MED27: variants seen among roughly 807,000 people sequenced by gnomAD.
The protein encoded by MED27 is mediator of RNA polymerase II transcription subunit 27.
Under a neutral mutation model 38.2 loss-of-function variants are expected in MED27, and 30 were observed. The observed-to-expected ratio is 0.79, with a 90% CI of 0.59 to 1.07. MED27 has a LOEUF of 1.07. Ranked by LOEUF, MED27 falls within the 50% of genes least tolerant of loss-of-function variation. MED27 has a pLI of 0.00. For missense variants in MED27, 289 were observed against 397.5 expected, an observed-to-expected ratio of 0.73 and a Z score of 2.32; for synonymous variants, 122 against 153.5, an observed-to-expected ratio of 0.79 and a Z score of 1.52.
At chr9:131,863,359 G>A (rs1420035424) in intron 6 of MED27, among the ~76,000 whole-genome samples, 1 of 152,224 alleles carries the variant, frequency 6.6e-6, no homozygotes, top group Non-Finnish European at 1.5e-5. Context: ...CAGGCCTGGA[G>A]GCAGGGGGCG....
intron 4 of MED27, 66 bp from the exon 5 acceptor site, chr9:131,894,058 G>T: frequency 8.0e-7 from 1 of 1,252,350 alleles, no homozygotes; most frequent in Non-Finnish European, 1.2e-6. Context: ...AGGGGTGTGA[G>T]AAGAAATGAC....
chr9:131,893,993 C>T lies in MED27; in HGVS notation c.574-1G>A. On this transcript the variant is annotated splice_acceptor_variant, in intron 4 of 7. Transcript: ENST00000292035. LOFTEE classifies it high-confidence loss of function. ...CTTTCAACACCTTTCCCAAGGTCACCTGCCAAAACACATGTAAGCTGACAC... is the reference window on the plus strand; with the variant it reads ...CTTTCAACACCTTTCCCAAGGTCACTTGCCAAAACACATGTAAGCTGACAC... The T allele has an allele frequency of 6.2e-7, 1 of 1,613,370 alleles. No individual in the cohort carries two copies. Among genetic ancestry groups the T allele is most frequent in the East Asian group, 2.2e-5 (1 of 44,882 alleles).
intron 3 of MED27, 41 bp downstream of exon 3, chr9:132,014,296 T>C: frequency 6.4e-7 from 1 of 1,569,772 alleles, no homozygotes; most frequent in Non-Finnish European, 8.6e-7. Flanking sequence ...AGTAAAAAAG[T>C]TCACCCAGTA....
At position 131,966,155 on chromosome 9, in the gene MED27, G is replaced by A. The variant is rs1480034231; in HGVS notation, c.480-26681C>T. Among the ~76,000 whole-genome samples the A allele has an allele frequency of 3.0e-5, 4 of 134,924 alleles. No homozygotes were observed. In the East Asian group the frequency reaches 8.6e-4, roughly 29 times the overall value. 88.5% of individuals were successfully genotyped at this position (134,924 alleles called of 152,430 possible). ...AGGTGGGAGGATTGCTTGAGGCCAG[G>A]CATTCGAGATCAGTCTGGGAAACAC... On this transcript the variant is annotated intron_variant, in intron 3 of 7. Coordinates refer to ENST00000292035, the MANE Select transcript of MED27 (RefSeq NM_004269.4).
At chr9:132,056,626 GAAA>G (rs1316847847) in intron 2 of MED27, among the ~76,000 whole-genome samples, 1 of 152,144 alleles carries the variant, frequency 6.6e-6, no homozygotes, top group Non-Finnish European at 1.5e-5. Flanking sequence ...CAAGCATTTT[GAAA>G]AAGGGATGTT....
At chr9:131,931,603 T>G (rs1830589373) in intron 4 of MED27, among the ~76,000 whole-genome samples, 1 of 152,176 alleles carries the variant, frequency 6.6e-6, no homozygotes. Flanking sequence ...ATTGATCTGT[T>G]GCCTACAAAA....
Position 132,004,103 on chromosome 9 carries a change from G to A in MED27, c.479+10234C>T, listed in dbSNP as rs141793620. ...GATGAGGGAACCGAGGAAACCCCCC[G>A]GGACGCAGCAGGGGAGCGAATCAGT... On this transcript the variant is annotated intron_variant, in intron 3 of 7. Coordinates refer to ENST00000292035, the MANE Select transcript of MED27 (RefSeq NM_004269.4). Among the ~76,000 whole-genome samples, 15 of 152,244 alleles carry A rather than the reference G, an allele frequency of 9.9e-5. No individual in the cohort carries two copies. The East Asian group carries it at 1.7e-3, about 18-fold the overall frequency.
chr9:131,980,907 G>C (rs1320206923), intron 3 of MED27, among the ~76,000 whole-genome samples: 1 of 152,234 alleles, frequency 6.6e-6, no homozygotes, highest in Non-Finnish European at 1.5e-5. Context: ...CAATGGAGCA[G>C]TTTAGGAAAT....
At chr9:131,973,624 G>A (rs1030954871) in intron 3 of MED27, among the ~76,000 whole-genome samples, 9 of 151,894 alleles carry the variant, frequency 5.9e-5, no homozygotes, top group East Asian at 1.9e-4. Context: ...GGCTGCAGCC[G>A]TCTTGCAGCC....
rs902037416 is a variant in MED27, at chr9:131,913,607, G to A, written c.574-19615C>T. On this transcript the variant is annotated intron_variant, in intron 4 of 7. Transcript: ENST00000292035. This position sits in a 1 kb window ranked among gnomAD's most constrained non-coding sequence, Gnocchi z 4.5. ...TGTATTTCTCCCTGTTTGAAAGGCC[G>A]TTTGTTCGGCTTACCACAGTTGCAT... 6.6e-6 allele frequency among the ~76,000 whole-genome samples: 1 copy of A among 152,108 alleles called. No homozygotes were observed. The highest frequency in any genetic ancestry group is 2.4e-5 in the African/African-American group (1 of 41,416).
intron 4 of MED27, among the ~76,000 whole-genome samples, chr9:131,912,021 GC>G (rs1341176087): frequency 6.6e-6 from 1 of 152,152 alleles, no homozygotes; most frequent in Non-Finnish European, 1.5e-5. Flanking sequence ...AAAAGCAAGG[GC>G]CTGAAAAGTC....
rs376021799 is a variant in MED27 at position 131,863,161 on chromosome 9, C to A, written c.724-21G>T. ...GTCACCTGAGAGTGAAGGACAAAGA[C>A]GAGTTAGCGGCCACTCCAAGCTGGC... is the stretch of plus-strand genomic sequence containing the variant. On this transcript the variant is annotated intron_variant, in intron 6 of 7. Transcript: ENST00000292035. The A allele has an allele frequency of 6.8e-6, 11 of 1,610,386 alleles. No homozygotes were observed. In the African/African-American group the frequency reaches 1.3e-4, roughly 20 times the overall value.
At chr9:131,876,261 A>C (rs1330362498) in intron 6 of MED27, among the ~76,000 whole-genome samples, 2 of 152,222 alleles carry the variant, frequency 1.3e-5, no homozygotes, top group Non-Finnish European at 2.9e-5. Context: ...CAAGCTATAC[A>C]GATGACAGAT....
intron 3 of MED27, among the ~76,000 whole-genome samples, chr9:131,981,999 T>A (rs1193078512): frequency 6.6e-6 from 1 of 152,194 alleles, no homozygotes; most frequent in Non-Finnish European, 1.5e-5. Flanking sequence ...TATGTTTCTA[T>A]CAGCAGCAGT....
intron 3 of MED27, among the ~76,000 whole-genome samples, chr9:131,950,355 C>T (rs189602697): frequency 3.9e-5 from 6 of 152,224 alleles, no homozygotes; most frequent in East Asian, 1.9e-4. Context: ...CAGGAGCTGG[C>T]GAGGGCAGAT....
chr9:131,964,812 T>C (rs1175813469), intron 3 of MED27, among the ~76,000 whole-genome samples: 2 of 152,248 alleles, frequency 1.3e-5, no homozygotes, highest in Non-Finnish European at 2.9e-5. Context: ...ATATTACCCA[T>C]ATTTTAAGCT....
At chr9:132,046,429 CT>C (rs1380726890) in intron 2 of MED27, among the ~76,000 whole-genome samples, 2 of 151,112 alleles carry the variant, frequency 1.3e-5, no homozygotes, top group Admixed American at 1.3e-4. Flanking sequence ...TACCAAGAGT[CT>C]TTAAAAAAAA....
intron 2 of MED27, among the ~76,000 whole-genome samples, chr9:132,027,736 C>T (rs1259735560): frequency 6.6e-6 from 1 of 152,220 alleles, no homozygotes; most frequent in African/African-American, 2.4e-5. Context: ...AATAGTCATA[C>T]ATTTTGCTGC....
At chr9:131,990,590 C>T (rs192803647) in intron 3 of MED27, among the ~76,000 whole-genome samples, 361 of 152,336 alleles carry the variant, frequency 2.4e-3, no homozygotes, top group African/African-American at 8.2e-3. Flanking sequence ...CTGATCCAGT[C>T]CTTTTGGACC....
Sources: gnomAD v4.1 joint callset for allele counts (sites outside exome capture counted in the v4.1 genomes callset) on GRCh38, gnomAD v4.1.1 for gene constraint, Gnocchi (gnomAD v3.1) non-coding constraint, MANE v1.5 for transcripts, NCBI Gene and HGNC (gene_info 2026-07-23, HGNC 2026-07-21) for gene names.